Variants in SLC12A4 observed in about 807,000 individuals in gnomAD.
SLC12A4 encodes the protein solute carrier family 12 member 4.
In SLC12A4, 84 loss-of-function variants were observed where a neutral mutation model predicts 119.2. The ratio of observed to expected loss-of-function variants is 0.70; its 90% confidence interval spans 0.59 to 0.85. The LOEUF (loss-of-function observed/expected upper bound fraction) is 0.85. Ranked by LOEUF, SLC12A4 falls within the 40% of genes least tolerant of loss-of-function variation. The probability of loss-of-function intolerance (pLI) is 0.00; values close to 1 mark genes in which losing one functional copy is unlikely to be tolerated. For missense variants in SLC12A4, 1,298 were observed against 1,476.3 expected (o/e 0.88, Z 1.98); for synonymous variants, 599 against 604.6 (o/e 0.99, Z 0.14).
At chr16:67,947,566 A>G (rs1232694195) in intron 15 of SLC12A4, 103 bp downstream of exon 15, 10 of 1,511,130 alleles carry the variant, frequency 6.6e-6, no homozygotes, top group African/African-American at 1.4e-5. Flanking sequence ...CAGTCCTGGC[A>G]CCCACGGTGG....
Position 67,957,984 on chromosome 16 carries a change from C to A in SLC12A4, c.403G>T (p.Val135Phe), listed in dbSNP as rs764655213. The change falls in exon 4 of 24, where the codon GTT becomes TTT. Residue 135 changes from valine (V) to phenylalanine (F), a missense_variant. By Grantham distance (50) the Val-to-Phe change is conservative. Coordinates refer to ENST00000316341, the MANE Select transcript of SLC12A4 (RefSeq NM_005072.5). ...YLPCLQNIFG[V>F]ILFLRLTWMV... ...CAGGTCAGCCGCAGGAAGAGGATAA[C>A]CCCAAAGATATTCTGCAGGCAGGGC... 1.9e-6 allele frequency: 3 copies of A among 1,614,220 alleles called. No homozygotes were observed. Among genetic ancestry groups the A allele is most frequent in the Admixed American group, 1.7e-5 (1 of 60,022 alleles).
At chr16:67,960,596 CCT>C (rs1390877869) in intron 3 of SLC12A4, among the ~76,000 whole-genome samples, 5 of 151,224 alleles carry the variant, frequency 3.3e-5, no homozygotes, top group Non-Finnish European at 7.4e-5. Flanking sequence ...CTTGTGCCGA[CCT>C]CTGAGAATAC....
chr16:67,961,623 C>A lies in SLC12A4; in HGVS notation c.294G>T (p.Glu98Asp), dbSNP rs761045213. The change falls in exon 3 of 24, where the codon GAG (glutamate) becomes GAT (aspartate). Residue 98 changes from glutamate (E) to aspartate (D), a missense_variant. Transcript: ENST00000316341. ...CCTCCCCACTCTCGGCCTCCTCATG[C>A]TCTTTGGCGCCCTGGGTGAGGTTGG... The part of the protein sequence containing the change: ...SYTNLTQGAK[E>D]HEEAESGEGT... 1 of 1,614,156 alleles carries A rather than the reference C, an allele frequency of 6.2e-7. No homozygotes were observed. The highest frequency in any genetic ancestry group is 8.5e-7 in the Non-Finnish European group (1 of 1,180,028).
At chr16:67,945,695 C>A (rs2058336029) in intron 21 of SLC12A4, 69 bp downstream of exon 21, 5 of 1,509,266 alleles carry the variant, frequency 3.3e-6, no homozygotes, top group East Asian at 2.3e-5. Context: ...TTCCTCCGCA[C>A]CCACCGATGC....
At position 67,943,559 on chromosome 16, in the gene SLC12A4, GGC is replaced by G. The variant is rs1224712754; in HGVS notation, c.*1279_*1280del. ...TGGGGGCTGGGCCTAATAGGGGCCGGGCATGGATGGGCCTCTCCTGCTCACCG... is the reference window on the plus strand; with the variant it reads ...TGGGGGCTGGGCCTAATAGGGGCCGGATGGATGGGCCTCTCCTGCTCACCG... On this transcript the variant is annotated 3_prime_UTR_variant, in exon 24 of 24. Transcript: ENST00000316341. The surrounding 1 kb of genome is among the most constrained non-coding windows in gnomAD (Gnocchi z 4.6). 3.2e-5 allele frequency: 16 copies of G among 505,332 alleles called. No individual in the cohort carries two copies. In the Admixed American group the frequency reaches 5.2e-4, roughly 16 times the overall value. 31.3% of individuals were successfully genotyped at this position (505,332 alleles called of 1,614,324 possible). A position where few individuals can be genotyped will look rare whatever the true frequency, so the allele number is the denominator to read the frequency against.
Position 67,952,037 on chromosome 16 carries a change from C to A in SLC12A4, c.918G>T (p.Pro306=), listed in dbSNP as rs749700598. The A allele has an allele frequency of 6.2e-7, 1 of 1,613,208 alleles. No individual in the cohort carries two copies. The highest frequency in any genetic ancestry group is 2.2e-5 in the East Asian group (1 of 44,868). ...IKSIFDPPVF[P]VCMLGNRTLS... ...GGGTCCTGTTGCCCAGCATGCATAC[C>A]CTGTGAGGGACAGAAGCACCGGCAC... The change falls in exon 8 of 24, where the codon CCG becomes CCT. Residue 306 remains proline (P), a splice_region_variant and synonymous_variant. Coordinates refer to ENST00000316341, the MANE Select transcript of SLC12A4 (RefSeq NM_005072.5).
Position 67,951,257 on chromosome 16 carries a change from G to A in SLC12A4, c.1180C>T (p.His394Tyr), listed in dbSNP as rs1392293942. Residue 394 changes from histidine to tyrosine, a missense_variant, in exon 9 of 24, where the codon CAT (histidine) becomes TAT (tyrosine). Transcript: ENST00000316341. This position sits in a 1 kb window ranked among gnomAD's most constrained non-coding sequence, Gnocchi z 5.2. ...GGGGCATCTGCGGAGGGCAGCCCATGCTTCTCCACGATGTCACCCTTCTCC... is the reference window on the plus strand; with the variant it reads ...GGGGCATCTGCGGAGGGCAGCCCATACTTCTCCACGATGTCACCCTTCTCC... ...YLEKGDIVEK[H>Y]GLPSADAPSL... 6.2e-7 allele frequency: 1 copy of A among 1,614,094 alleles called. No individual in the cohort carries two copies. The highest frequency in any genetic ancestry group is 1.7e-5 in the Admixed American group (1 of 60,030).
At chr16:67,955,596 A>T (rs2030213143) in intron 5 of SLC12A4, among the ~76,000 whole-genome samples, 1 of 151,936 alleles carries the variant, frequency 6.6e-6, no homozygotes, top group Non-Finnish European at 1.5e-5. Flanking sequence ...ATTTTTAAAA[A>T]AAGGCCGGGT....
At position 67,952,407 on chromosome 16, in the gene SLC12A4, C is replaced by G. The variant is rs1318092277; in HGVS notation, c.694G>C (p.Ala232Pro). Reference protein sequence around the residue: ...EILLTYIAPPAAIFYPSGAHD... With the variant: ...EILLTYIAPPPAIFYPSGAHD... ...GCACCCGATGGGTAAAAAATGGCAG[C>G]TGGTGGGGCAATGTAGGTCTGAAAC... Residue 232 changes from alanine (A) to proline (P), a missense_variant, in exon 7 of 24, where the codon GCT (alanine) becomes CCT (proline). By Grantham distance (27) the Ala-to-Pro change is conservative (BLOSUM62 -1). Coordinates refer to ENST00000316341, the MANE Select transcript of SLC12A4 (RefSeq NM_005072.5). 1 of 1,614,040 alleles carries G rather than the reference C, an allele frequency of 6.2e-7. No homozygotes were observed. Among genetic ancestry groups the G allele is most frequent in the Non-Finnish European group, 8.5e-7 (1 of 1,180,002 alleles).
At chr16:67,960,731 C>T (rs2030518864) in intron 3 of SLC12A4, among the ~76,000 whole-genome samples, 1 of 151,508 alleles carries the variant, frequency 6.6e-6, no homozygotes, top group African/African-American at 2.4e-5. Flanking sequence ...AATCCCCAGC[C>T]CTCAGCTACA....
intron 6 of SLC12A4, chr16:67,954,035 AG>A (rs1257950545): frequency 8.4e-6 from 2 of 236,784 alleles, no homozygotes; most frequent in Admixed American, 1.0e-4. Flanking sequence ...CAGTCCCTCC[AG>A]GTATCTCCTA....
In SLC12A4 at chr16:67,961,649, T is replaced by TGTAGCTGACGAGCTTTCCC. The variant is rs1252613710; in HGVS notation, c.249_267dup (p.Thr90GlyfsTer17). The TGTAGCTGACGAGCTTTCCC allele has an allele frequency of 6.2e-7, 1 of 1,614,166 alleles. No individual in the cohort carries two copies. Among genetic ancestry groups the TGTAGCTGACGAGCTTTCCC allele is most frequent in the East Asian group, 2.2e-5 (1 of 44,886 alleles). ...TCTTTGGCGCCCTGGGTGAGGTTGG[T>TGTAGCTGACGAGCTTTCCC]GTAGCTGACGAGCTTTCCCAGAAGA... On this transcript the variant is annotated frameshift_variant, in exon 3 of 24. Coordinates refer to ENST00000316341, the MANE Select transcript of SLC12A4 (RefSeq NM_005072.5). LOFTEE classifies it high-confidence loss of function.
chr16:67,951,847 C>T lies in SLC12A4; in HGVS notation c.1108G>A (p.Gly370Arg), dbSNP rs555617206. Residue 370 changes from glycine to arginine, a missense_variant, in exon 8 of 24, where the codon GGG (glycine) becomes AGG (arginine). Coordinates refer to ENST00000316341, the MANE Select transcript of SLC12A4 (RefSeq NM_005072.5). The surrounding 1 kb of genome is among the most constrained non-coding windows in gnomAD (Gnocchi z 5.2). ...NNVTEIPGIP[G>R]AAAGVLQENL... ...CCCTGGAGCACACCAGCAGCTGCCC[C>T]GGGGATGCCAGGGATCTCGGTCACA... is the stretch of plus-strand genomic sequence containing the variant. 1.3e-4 allele frequency: 202 copies of T among 1,613,250 alleles called. 3 individuals carry two copies. The South Asian group carries it at 1.9e-3, about 15-fold the overall frequency.
At chr16:67,959,607 C>T (rs1251902251) in intron 3 of SLC12A4, among the ~76,000 whole-genome samples, 2 of 152,218 alleles carry the variant, frequency 1.3e-5, no homozygotes, top group African/African-American at 4.8e-5. Context: ...GGACGGATCC[C>T]CCTCATCTGG....
At position 67,946,591 on chromosome 16, in the gene SLC12A4, A is replaced by G; in HGVS notation, c.2284T>C (p.Cys762Arg). ...MMEIEKVKGF[C>R]QVVVASKVRE... ...ACCTTGCTGGCCACCACCACCTGGC[A>G]GAAGCCCTTCACCTTCTCAATTTCC... The change falls in exon 18 of 24, where the codon TGC (cysteine) becomes CGC (arginine). Residue 762 changes from cysteine (C) to arginine (R), a missense_variant. Transcript: ENST00000316341. 1 of 1,613,228 alleles carries G rather than the reference A, an allele frequency of 6.2e-7. No individual in the cohort carries two copies. The highest frequency in any genetic ancestry group is 8.5e-7 in the Non-Finnish European group (1 of 1,179,972).
chr16:67,958,139 G>A, intron 3 of SLC12A4, 95 bp from the exon 4 acceptor site: 1 of 1,365,022 alleles, frequency 7.3e-7, no homozygotes. Flanking sequence ...CTCCCCCAGT[G>A]GGGCCCCAGG....
chr16:67,964,642 GAGA>G (rs2030778899), intron 1 of SLC12A4, among the ~76,000 whole-genome samples: 1 of 152,198 alleles, frequency 6.6e-6, no homozygotes, highest in Non-Finnish European at 1.5e-5. Context: ...GTTCTGACAT[GAGA>G]AGGACTGGCA....
At chr16:67,964,263 C>T (rs1250368747) in intron 1 of SLC12A4, among the ~76,000 whole-genome samples, 2 of 152,232 alleles carry the variant, frequency 1.3e-5, no homozygotes, top group Non-Finnish European at 2.9e-5. Flanking sequence ...CCCTTGCCCG[C>T]AGATCCCGCC....
intron 3 of SLC12A4, among the ~76,000 whole-genome samples, chr16:67,961,249 T>G (rs1186579121): frequency 6.6e-6 from 1 of 152,246 alleles, no homozygotes; most frequent in African/African-American, 2.4e-5. Flanking sequence ...AGTAAGCACC[T>G]GCCTCTTGGT....
Sources: gnomAD v4.1 joint callset for allele counts (sites outside exome capture counted in the v4.1 genomes callset) on GRCh38, gnomAD v4.1.1 for gene constraint, Gnocchi (gnomAD v3.1) non-coding constraint, MANE v1.5 for transcripts, NCBI Gene and HGNC (gene_info 2026-07-23, HGNC 2026-07-21) for gene names.